Variants in B4GALNT2 observed in about 807,000 individuals in gnomAD.
B4GALNT2 encodes N-acetylneuraminylgalactosylglucosyl-glucoside beta-1,4-N- acetylgalactosaminyltransferase 2.
A neutral mutation model predicts 51.1 loss-of-function variants in B4GALNT2; 42 were observed. That is an observed-to-expected ratio of 0.82 (90% CI 0.64 to 1.06). B4GALNT2 has a LOEUF of 1.06. Ranked by LOEUF, B4GALNT2 falls within the 50% of genes least tolerant of loss-of-function variation. The pLI is 0.00. For missense variants in B4GALNT2, 602 were observed against 633.6 expected, an observed-to-expected ratio of 0.95 and a Z score of 0.54; for synonymous variants, 253 against 251.7, an observed-to-expected ratio of 1.01 and a Z score of -0.05.
the B4GALNT2 span, among the ~76,000 whole-genome samples, chr17:49,124,267 T>C: frequency 6.6e-5 from 10 of 152,330 alleles, no homozygotes; most frequent in African/African-American, 2.4e-4. Context: ...TCGAGAGTCC[T>C]GAACGTTTTT....
At chr17:49,166,399 T>G in intron 9 of B4GALNT2, 145 bp downstream of exon 9, 132 of 863,834 alleles carry the variant, frequency 1.5e-4, no homozygotes, top group Middle Eastern at 3.7e-4. Context: ...AGGAGGTGAA[T>G]AGGCCAGTGC....
At chr17:49,145,241 C>A (rs2042682907) in intron 3 of B4GALNT2, among the ~76,000 whole-genome samples, 1 of 152,142 alleles carries the variant, frequency 6.6e-6, no homozygotes, top group Non-Finnish European at 1.5e-5. Context: ...CAAATAAAGA[C>A]AATAATAAGG....
Position 49,176,168 on chromosome 17 carries a change from C to T in B4GALNT2, c.*6440C>T, listed in dbSNP as rs1312495249. 6.6e-6 allele frequency: 1 copy of T among 152,242 alleles called. No individual in the cohort carries two copies. Among genetic ancestry groups the T allele is most frequent in the Non-Finnish European group, 1.5e-5 (1 of 68,088 alleles). The allele number at this position is 152,242 out of a possible 1,614,324, so 9.4% of individuals were successfully genotyped here. ...TCCAACCATCACTCCAGCGACCCTT[C>T]AACTGGGGTTCAAGCCCCACGTTGG... On this transcript the variant is annotated 3_prime_UTR_variant, in exon 11 of 11. Coordinates refer to ENST00000393354, the MANE Select transcript of B4GALNT2 (RefSeq NM_001159387.2).
In B4GALNT2 at chr17:49,136,653, T is replaced by C. The variant is rs192155862; in HGVS notation, c.14+3847T>C. 2.2e-4 allele frequency among the ~76,000 whole-genome samples: 33 copies of C among 152,162 alleles called. 1 individual carries two copies. Among genetic ancestry groups the C allele is most frequent in the African/African-American group, 7.5e-4 (31 of 41,516 alleles). On this transcript the variant is annotated intron_variant, in intron 1 of 10. Transcript: ENST00000393354. ...CCTCCACCTCCTGGGTTCAAGTGATTCTTATATCTCAGCCTTCCAAGTAGC... is the reference window on the plus strand; with the variant it reads ...CCTCCACCTCCTGGGTTCAAGTGATCCTTATATCTCAGCCTTCCAAGTAGC...
In B4GALNT2 at chr17:49,163,170, T is replaced by G. The variant is rs2042880088; in HGVS notation, c.767-918T>G. Among the ~76,000 whole-genome samples, 4 of 152,144 alleles carry G rather than the reference T, an allele frequency of 2.6e-5. No homozygotes were observed. The South Asian group carries it at 8.3e-4, about 31-fold the overall frequency. On this transcript the variant is annotated intron_variant, in intron 7 of 10. Transcript: ENST00000393354. The stretch of plus-strand genomic sequence containing the variant: ...TCCCAAACACATCTGCAGCTCCAGT[T>G]GTGGCATCACGGGGTCTTTTCCTTA...
rs1352035939 is a variant in B4GALNT2, at chr17:49,166,150, G to C, written c.991G>C (p.Val331Leu). ...TGGTAGGAACCTGGCCATATCTCAGGTCACCACCAAATACGTTCTCTGGGT... is the reference window on the plus strand; with the variant it reads ...TGGTAGGAACCTGGCCATATCTCAGCTCACCACCAAATACGTTCTCTGGGT... ...FAGRNLAISQ[V>L]TTKYVLWVDD... The change falls in exon 9 of 11, where the codon GTC becomes CTC. Residue 331 changes from valine to leucine, a missense_variant. Coordinates refer to ENST00000393354, the MANE Select transcript of B4GALNT2 (RefSeq NM_001159387.2). 2 of 1,614,058 alleles carry C rather than the reference G, an allele frequency of 1.2e-6. No individual in the cohort carries two copies. Among genetic ancestry groups the C allele is most frequent in the Admixed American group, 1.7e-5 (1 of 59,998 alleles).
At chr17:49,156,651 T>C in intron 5 of B4GALNT2, 48 bp downstream of exon 5, 1 of 1,589,896 alleles carries the variant, frequency 6.3e-7, no homozygotes, top group East Asian at 2.3e-5. Flanking sequence ...CCTGTCCTCA[T>C]TCCCTCAACT....
At chr17:49,132,866 C>T in intron 1 of B4GALNT2, 60 bp downstream of exon 1, 1 of 1,369,724 alleles carries the variant, frequency 7.3e-7, no homozygotes, top group Non-Finnish European at 9.4e-7. Flanking sequence ...GGGAGCGCCG[C>T]GGGTCCTTTC....
chr17:49,157,808 C>T (rs139896120), intron 5 of B4GALNT2, among the ~76,000 whole-genome samples: 2 of 152,278 alleles, frequency 1.3e-5, no homozygotes, highest in African/African-American at 2.4e-5. Context: ...TTCCCTGCTG[C>T]GCGTAGTTCC....
intron 3 of B4GALNT2, among the ~76,000 whole-genome samples, chr17:49,150,972 G>A (rs2042748426): frequency 6.6e-6 from 1 of 151,986 alleles, no homozygotes; most frequent in Non-Finnish European, 1.5e-5. Flanking sequence ...ATTACCGTAA[G>A]TATTCACTAT....
At chr17:49,162,738 A>G (rs1191163593) in intron 7 of B4GALNT2, among the ~76,000 whole-genome samples, 10 of 151,686 alleles carry the variant, frequency 6.6e-5, no homozygotes, top group Non-Finnish European at 2.9e-5. Context: ...GTGAAAACCC[A>G]TCTCTACTAA....
At chr17:49,146,445 G>A (rs2042695538) in intron 3 of B4GALNT2, among the ~76,000 whole-genome samples, 1 of 152,050 alleles carries the variant, frequency 6.6e-6, no homozygotes, top group Non-Finnish European at 1.5e-5. Flanking sequence ...CGAGTAGTTG[G>A]GATTAAAGGT....
rs760446465 is a variant in B4GALNT2, at chr17:49,141,992, C to T, written c.216-43C>T. On this transcript the variant is annotated intron_variant, in intron 2 of 10. Coordinates refer to ENST00000393354, the MANE Select transcript of B4GALNT2 (RefSeq NM_001159387.2). ...CTCCGGTTTCCTCTCACCCACCAGCCTACCCACCCAATCCATGTTTACAGT... is the reference window on the plus strand; with the variant it reads ...CTCCGGTTTCCTCTCACCCACCAGCTTACCCACCCAATCCATGTTTACAGT... 5 of 1,611,586 alleles carry T rather than the reference C, an allele frequency of 3.1e-6. No individual in the cohort carries two copies. In the Admixed American group the frequency reaches 6.7e-5, roughly 21 times the overall value.
In B4GALNT2 at chr17:49,175,062, A is replaced by T. The variant is rs1422479338; in HGVS notation, c.*5334A>T. 6.6e-6 allele frequency: 1 copy of T among 152,172 alleles called. No homozygotes were observed. Among genetic ancestry groups the T allele is most frequent in the African/African-American group, 2.4e-5 (1 of 41,434 alleles). 9.4% of individuals were successfully genotyped at this position (152,172 alleles called of 1,614,324 possible). On this transcript the variant is annotated 3_prime_UTR_variant, in exon 11 of 11. Transcript: ENST00000393354. ...TCCATCGGGCCCCTCACAATGCAAA[A>T]TATAATTACTTTGATATACTTCAGG...
At chr17:49,167,551 C>T (rs1053652214) in intron 9 of B4GALNT2, among the ~76,000 whole-genome samples, 1 of 151,520 alleles carries the variant, frequency 6.6e-6, no homozygotes, top group Non-Finnish European at 1.5e-5. Context: ...TTAGTGTACC[C>T]ATTACCTGCA....
chr17:49,129,144 G>C (rs1320546680), upstream of B4GALNT2, among the ~76,000 whole-genome samples: 1 of 152,140 alleles, frequency 6.6e-6, no homozygotes, highest in African/African-American at 2.4e-5. Flanking sequence ...GGGCCTCTTG[G>C]ACTGGAGCCA....
rs2293216 is a variant in B4GALNT2, at chr17:49,156,860, G to A, written c.498+257G>A. Among the ~76,000 whole-genome samples the A allele has an allele frequency of 2.0e-3, 304 of 152,324 alleles. 7 individuals are homozygous for A. In the East Asian group the frequency reaches 0.036, roughly 18 times the overall value. ...TGCTGCTTCTGGTGCAAGAGGAAGC[G>A]GCCACTACAGCCATGGGCTCTGGCA... On this transcript the variant is annotated intron_variant, in intron 5 of 10. Transcript: ENST00000393354.
intron 5 of B4GALNT2, among the ~76,000 whole-genome samples, chr17:49,158,601 C>A (rs1422335128): frequency 7.5e-6 from 1 of 133,846 alleles, no homozygotes; most frequent in Non-Finnish European, 1.5e-5. Flanking sequence ...TCATGCACTG[C>A]ACTCCAGCCT....
chr17:49,164,705 T>C (rs2042895728), intron 8 of B4GALNT2, among the ~76,000 whole-genome samples: 1 of 152,110 alleles, frequency 6.6e-6, no homozygotes, highest in Non-Finnish European at 1.5e-5. Context: ...TTCACCGTGT[T>C]GGGCAGGTTG....
Sources: allele counts gnomAD v4.1 joint callset (sites outside exome capture counted in the v4.1 genomes callset), GRCh38; gene constraint gnomAD v4.1.1; transcripts MANE v1.5; gene names NCBI Gene and HGNC (gene_info 2026-07-23, HGNC 2026-07-21).